Variants in KCNK2 observed in about 807,000 individuals in gnomAD.
The protein encoded by KCNK2 is potassium two pore domain channel subfamily K member 2.
In KCNK2, 21 loss-of-function variants were observed where a neutral mutation model predicts 40.5. The observed-to-expected ratio is 0.52, with a 90% CI of 0.37 to 0.75. The LOEUF is 0.75. Among genes scored for constraint, KCNK2 ranks in the 30% least tolerant of loss-of-function variants. The pLI, the probability that KCNK2 is intolerant of heterozygous loss-of-function variation, is 0.00. For synonymous variants in KCNK2, 191 were observed against 202.2 expected, an observed-to-expected ratio of 0.94 and a Z score of 0.47; for missense variants, 399 against 531.6, an observed-to-expected ratio of 0.75 and a Z score of 2.45.
At chr1:215,056,615 CTTTTTT>C (rs34925678) in intron 1 of KCNK2, among the ~76,000 whole-genome samples, 9 of 103,984 alleles carry the variant, frequency 8.7e-5, no homozygotes, top group East Asian at 5.7e-4. Context: ...TGTGTCCACT[CTTTTTT>C]TTTTTTTTTT....
intron 1 of KCNK2, among the ~76,000 whole-genome samples, chr1:215,030,786 A>G (rs1657162098): frequency 6.7e-6 from 1 of 150,254 alleles, no homozygotes; most frequent in Admixed American, 6.6e-5. Context: ...GGCTCAAGTG[A>G]TCTGTCCACT....
intron 5 of KCNK2, among the ~76,000 whole-genome samples, chr1:215,180,273 GA>G (rs1323385141): frequency 6.6e-6 from 1 of 152,112 alleles, no homozygotes; most frequent in Non-Finnish European, 1.5e-5. Flanking sequence ...TGGGTCTCTT[GA>G]AGTCAGCAGA....
intron 5 of KCNK2, among the ~76,000 whole-genome samples, chr1:215,179,540 C>A (rs893528630): frequency 2.6e-5 from 4 of 151,764 alleles, no homozygotes; most frequent in African/African-American, 9.7e-5. Flanking sequence ...ACTGCTTTTG[C>A]TGTATATTGT....
At position 215,234,810 on chromosome 1, in the gene KCNK2, T is replaced by C; in HGVS notation, c.964-18T>C. On this transcript the variant is annotated intron_variant, in intron 6 of 6. Coordinates refer to ENST00000444842, the MANE Select transcript of KCNK2 (RefSeq NM_001017425.3). ...GGCATGTCAATATCTTTATCTTTTC[T>C]CTGCTTGTATGTTCCAGGTGGGAGA... is the stretch of plus-strand genomic sequence containing the variant. The C allele has an allele frequency of 1.0e-5, 16 of 1,582,500 alleles. No individual in the cohort carries two copies. Among genetic ancestry groups the C allele is most frequent in the Non-Finnish European group, 1.4e-5 (16 of 1,158,766 alleles).
intron 6 of KCNK2, among the ~76,000 whole-genome samples, chr1:215,209,254 C>G (rs12409062): frequency 1.7e-5 from 2 of 117,122 alleles, no homozygotes; most frequent in East Asian, 4.4e-4. Flanking sequence ...ATACACATAT[C>G]TTATATATAA....
At chr1:215,061,789 C>T (rs555097813) in intron 1 of KCNK2, among the ~76,000 whole-genome samples, 61 of 151,724 alleles carry the variant, frequency 4.0e-4, no homozygotes, top group African/African-American at 1.4e-3. Context: ...AGATGATTGT[C>T]CTTGTTACTA....
chr1:215,033,555 A>G (rs1657280248), intron 1 of KCNK2, among the ~76,000 whole-genome samples: 1 of 152,056 alleles, frequency 6.6e-6, no homozygotes, highest in African/African-American at 2.4e-5. Context: ...CCATGATTCC[A>G]TTTCAGTCTT....
chr1:215,225,961 C>T (rs755146204), intron 6 of KCNK2, among the ~76,000 whole-genome samples: 2 of 152,180 alleles, frequency 1.3e-5, no homozygotes, highest in Non-Finnish European at 2.9e-5. Context: ...AAATTTCACA[C>T]ATTTCAAACT....
At chr1:215,116,226 CTTATG>C (rs1180222036) in intron 2 of KCNK2, among the ~76,000 whole-genome samples, 1 of 151,950 alleles carries the variant, frequency 6.6e-6, no homozygotes, top group African/African-American at 2.4e-5. Context: ...TTGGAATATG[CTTATG>C]TTATATGAAA....
intron 1 of KCNK2, among the ~76,000 whole-genome samples, chr1:215,018,755 G>A (rs1656678988): frequency 6.6e-6 from 1 of 152,158 alleles, no homozygotes; most frequent in African/African-American, 2.4e-5. Flanking sequence ...TCATGCTAAG[G>A]ATTTGGTCTT....
intron 6 of KCNK2, among the ~76,000 whole-genome samples, chr1:215,230,707 G>A (rs1002683398): frequency 1.3e-5 from 2 of 150,914 alleles, no homozygotes; most frequent in African/African-American, 4.9e-5. Flanking sequence ...AAATTGCATG[G>A]CTGTGGGCAC....
At chr1:215,174,270 C>T (rs955296813) in intron 5 of KCNK2, among the ~76,000 whole-genome samples, 16 of 152,144 alleles carry the variant, frequency 1.1e-4, no homozygotes, top group Admixed American at 2.0e-4. Flanking sequence ...TGTCAAAGAT[C>T]AGATAGTTGT....
intron 1 of KCNK2, among the ~76,000 whole-genome samples, chr1:215,019,477 A>G (rs1462884659): frequency 1.3e-5 from 2 of 152,246 alleles, no homozygotes; most frequent in Non-Finnish European, 2.9e-5. Context: ...TGACAATGTC[A>G]GTTAATGGCT....
intron 2 of KCNK2, among the ~76,000 whole-genome samples, chr1:215,117,424 T>A (rs1660994902): frequency 6.6e-6 from 1 of 152,122 alleles, no homozygotes; most frequent in Non-Finnish European, 1.5e-5. Flanking sequence ...AGAACTGTAA[T>A]GAGAGCCTAA....
At chr1:215,211,721 G>A (rs990720400) in intron 6 of KCNK2, among the ~76,000 whole-genome samples, 2 of 152,070 alleles carry the variant, frequency 1.3e-5, no homozygotes, top group Admixed American at 6.6e-5. Flanking sequence ...AGAAGGGATA[G>A]AATTCAGAAA....
intron 1 of KCNK2, among the ~76,000 whole-genome samples, chr1:215,028,043 T>C (rs1657056865): frequency 6.6e-6 from 1 of 152,186 alleles, no homozygotes; most frequent in African/African-American, 2.4e-5. Flanking sequence ...TTTTTCTTTT[T>C]TTTCCTTTTG....
At chr1:215,154,819 A>G (rs79142706) in intron 3 of KCNK2, among the ~76,000 whole-genome samples, 2 of 152,088 alleles carry the variant, frequency 1.3e-5, no homozygotes, top group South Asian at 4.1e-4. Flanking sequence ...TTTTCCCAGC[A>G]CCATCTATTG....
At chr1:215,115,263 A>G (rs1660880982) in intron 2 of KCNK2, among the ~76,000 whole-genome samples, 1 of 152,098 alleles carries the variant, frequency 6.6e-6, no homozygotes, top group Non-Finnish European at 1.5e-5. Flanking sequence ...TGTATCCATT[A>G]TGGAACTATA....
At chr1:215,143,243 G>A (rs1662266457) in intron 3 of KCNK2, among the ~76,000 whole-genome samples, 1 of 152,082 alleles carries the variant, frequency 6.6e-6, no homozygotes, top group Admixed American at 6.6e-5. Flanking sequence ...CTGTGGTGAG[G>A]CAGAAGTGGA....
Sources: gnomAD v4.1 joint callset for allele counts (sites outside exome capture counted in the v4.1 genomes callset) on GRCh38, gnomAD v4.1.1 for gene constraint, MANE v1.5 for transcripts, NCBI Gene and HGNC (gene_info 2026-07-23, HGNC 2026-07-21) for gene names.